Variants in FRMD6 observed in about 807,000 individuals in gnomAD.
The protein encoded by FRMD6 is FERM domain containing 6, also known as FERM domain-containing protein 6.
FRMD6 carries 37 observed loss-of-function variants against 73.2 expected under a neutral mutation model. That is an observed-to-expected ratio of 0.51 (90% CI 0.39 to 0.66). The LOEUF (loss-of-function observed/expected upper bound fraction) is 0.66. Among genes scored for constraint, FRMD6 ranks in the 30% least tolerant of loss-of-function variants. The pLI is 0.00. For synonymous variants in FRMD6, 273 were observed against 282.2 expected (o/e 0.97, Z 0.33); for missense variants, 714 against 780.5 (o/e 0.91, Z 1.02).
chr14:51,459,097 T>G, the FRMD6 span, among the ~76,000 whole-genome samples: 2 of 152,230 alleles, frequency 1.3e-5, no homozygotes, highest in Non-Finnish European at 2.9e-5. Flanking sequence ...AGTTAAATAG[T>G]TCTCCCCTTA....
At chr14:51,699,369 C>A (rs1381063888) in intron 3 of FRMD6, among the ~76,000 whole-genome samples, 1 of 152,052 alleles carries the variant, frequency 6.6e-6, no homozygotes, top group Non-Finnish European at 1.5e-5. Flanking sequence ...TCTATAGATT[C>A]TAAGTAACTT....
chr14:51,700,752 G>A (rs1039089502), intron 3 of FRMD6, among the ~76,000 whole-genome samples: 2 of 151,972 alleles, frequency 1.3e-5, no homozygotes, highest in African/African-American at 4.8e-5. Context: ...AAGTTAGACT[G>A]TAAGTCATAA....
At chr14:51,495,204 T>C (rs1292290323) in intron 1 of FRMD6, among the ~76,000 whole-genome samples, 2 of 152,232 alleles carry the variant, frequency 1.3e-5, no homozygotes, top group African/African-American at 4.8e-5. Context: ...ATCACCTTTC[T>C]TCCATTGTTT....
chr14:51,712,179 G>A (rs1407065448), intron 8 of FRMD6, among the ~76,000 whole-genome samples: 1 of 152,174 alleles, frequency 6.6e-6, no homozygotes, highest in South Asian at 2.1e-4. Flanking sequence ...AGTTATGAAA[G>A]TCTGAGCGCC....
chr14:51,660,334 A>G (rs1020869494), intron 1 of FRMD6, among the ~76,000 whole-genome samples: 6 of 152,146 alleles, frequency 3.9e-5, no homozygotes, highest in Admixed American at 1.3e-4. Flanking sequence ...GTCCAAAATC[A>G]AGGATGATCA....
At chr14:51,449,755 T>G in the FRMD6 span, among the ~76,000 whole-genome samples, 56 of 152,302 alleles carry the variant, frequency 3.7e-4, 1 homozygote, top group African/African-American at 1.3e-3. Context: ...GTCAGGAAGC[T>G]TGGCTGAATT....
At chr14:51,471,557 A>G in the FRMD6 span, among the ~76,000 whole-genome samples, 1 of 152,198 alleles carries the variant, frequency 6.6e-6, no homozygotes, top group Non-Finnish European at 1.5e-5. Flanking sequence ...TTATCATTAT[A>G]AAATTCCCAG....
intron 2 of FRMD6, among the ~76,000 whole-genome samples, chr14:51,608,885 C>A (rs1890373654): frequency 6.6e-6 from 1 of 152,138 alleles, no homozygotes; most frequent in Admixed American, 6.5e-5. Flanking sequence ...AAAGTGGCTA[C>A]CACAATGCAG....
chr14:51,459,944 A>G, the FRMD6 span, among the ~76,000 whole-genome samples: 4 of 106,920 alleles, frequency 3.7e-5, no homozygotes, highest in Admixed American at 5.3e-4. Flanking sequence ...CCTTCCTGAT[A>G]CTATTGTGAT....
intron 1 of FRMD6, among the ~76,000 whole-genome samples, chr14:51,535,070 C>A (rs1193520933): frequency 6.6e-6 from 1 of 152,174 alleles, no homozygotes; most frequent in Non-Finnish European, 1.5e-5. Flanking sequence ...TCTTCTAATG[C>A]TCAGGGAGCT....
At chr14:51,706,168 C>A in intron 6 of FRMD6, among the ~76,000 whole-genome samples, 1 of 152,082 alleles carries the variant, frequency 6.6e-6, no homozygotes, top group East Asian at 1.9e-4. Context: ...AACTGTAACA[C>A]CTTGTAATGT....
intron 2 of FRMD6, among the ~76,000 whole-genome samples, chr14:51,644,637 T>C (rs1387425057): frequency 3.9e-5 from 6 of 152,232 alleles, no homozygotes; most frequent in African/African-American, 1.4e-4. Flanking sequence ...ATGATTTGTA[T>C]ATTAAGTCTG....
At chr14:51,413,844 C>G in the FRMD6 span, among the ~76,000 whole-genome samples, 2 of 152,124 alleles carry the variant, frequency 1.3e-5, no homozygotes, top group African/African-American at 4.8e-5. Context: ...TTTTAATGAT[C>G]GCCATTCTAA....
intron 2 of FRMD6, among the ~76,000 whole-genome samples, chr14:51,696,458 G>A (rs1264402333): frequency 2.0e-5 from 3 of 151,452 alleles, no homozygotes; most frequent in Non-Finnish European, 2.9e-5. Context: ...AAAGAAAATT[G>A]TATCTTTTAA....
Position 51,682,627 on chromosome 14 carries a change from T to A in FRMD6, c.-146-7064T>A, listed in dbSNP as rs1894881156. Among the ~76,000 whole-genome samples the A allele has an allele frequency of 1.3e-5, 2 of 152,338 alleles. 1 individual carries two copies. Among genetic ancestry groups the A allele is most frequent in the South Asian group, 4.1e-4 (2 of 4,826 alleles). ...AGTTCAAATGATGCAATCAGGATTC[T>A]TTCTGAGCTTCTCTTTCCTCTGTGA... is the stretch of plus-strand genomic sequence containing the variant. On this transcript the variant is annotated intron_variant, in intron 1 of 13. Transcript: ENST00000344768.
At chr14:51,488,288 G>A (rs767638579), upstream of FRMD6, among the ~76,000 whole-genome samples, 24 of 152,202 alleles carry the variant, frequency 1.6e-4, no homozygotes, top group Non-Finnish European at 2.9e-4. Flanking sequence ...CAACATCCAC[G>A]ACAGCTGAGA....
intron 1 of FRMD6, among the ~76,000 whole-genome samples, chr14:51,553,600 TA>T (rs140402655): frequency 6.6e-6 from 1 of 152,236 alleles, no homozygotes; most frequent in South Asian, 2.1e-4. Flanking sequence ...ATTGTGCAGC[TA>T]AAAGGAGCTA....
intron 1 of FRMD6, among the ~76,000 whole-genome samples, chr14:51,558,847 C>G (rs1171235156): frequency 6.6e-6 from 1 of 152,168 alleles, no homozygotes; most frequent in Admixed American, 6.5e-5. Flanking sequence ...CTTGCTATCA[C>G]TGGTGTCTGT....
At chr14:51,551,578 T>A (rs7146086) in intron 1 of FRMD6, among the ~76,000 whole-genome samples, 1,549 of 152,036 alleles carry the variant, frequency 0.01, 28 homozygotes, top group African/African-American at 0.033. Flanking sequence ...TTACAAAAAA[T>A]ACGAAAAATT....
Sources: gnomAD v4.1 joint callset for allele counts (sites outside exome capture counted in the v4.1 genomes callset) on GRCh38, gnomAD v4.1.1 for gene constraint, MANE v1.5 for transcripts, NCBI Gene and HGNC (gene_info 2026-07-23, HGNC 2026-07-21) for gene names.